The following CCDC73 variants were observed in gnomAD, a reference collection of about 807,000 sequenced individuals.
CCDC73 encodes coiled-coil domain containing 73, also known as coiled-coil domain-containing protein 73.
A neutral mutation model predicts 116.5 loss-of-function variants in CCDC73; 95 were observed. The ratio of observed to expected loss-of-function variants is 0.82; its 90% confidence interval spans 0.69 to 0.97. The LOEUF (loss-of-function observed/expected upper bound fraction) is 0.97, where lower values mean the gene tolerates loss of function less well. CCDC73 is among the 50% of genes least tolerant of loss of function. The pLI is 0.00. For synonymous variants in CCDC73, 398 were observed against 401.3 expected, an observed-to-expected ratio of 0.99 and a Z score of 0.10; for missense variants, 1,066 against 1,206.8, an observed-to-expected ratio of 0.88 and a Z score of 1.73.
At chr11:32,671,164 A>G (rs1250615208) in intron 9 of CCDC73, among the ~76,000 whole-genome samples, 2 of 152,134 alleles carry the variant, frequency 1.3e-5, no homozygotes, top group East Asian at 3.9e-4. Flanking sequence ...GCAGTCATAA[A>G]TATTGCGCTC....
At chr11:32,674,935 A>G (rs1856072296) in intron 9 of CCDC73, among the ~76,000 whole-genome samples, 1 of 152,180 alleles carries the variant, frequency 6.6e-6, no homozygotes, top group Admixed American at 6.6e-5. Context: ...TGCTCCAGCC[A>G]TATCAGACTT....
At chr11:32,735,820 C>A (rs12275960) in intron 2 of CCDC73, among the ~76,000 whole-genome samples, 1,579 of 152,158 alleles carry the variant, frequency 0.01, 26 homozygotes, top group African/African-American at 0.036. Context: ...AGATATAGAC[C>A]AATGGAACAG....
chr11:32,785,433 ACT>A (rs1277884541), intron 1 of CCDC73, among the ~76,000 whole-genome samples: 1 of 151,742 alleles, frequency 6.6e-6, no homozygotes, highest in Non-Finnish European at 1.5e-5. Flanking sequence ...ACAGGATCTC[ACT>A]CTGTCACCCA....
At chr11:32,659,572 A>G (rs1197566851) in intron 9 of CCDC73, among the ~76,000 whole-genome samples, 1 of 152,224 alleles carries the variant, frequency 6.6e-6, no homozygotes, top group Non-Finnish European at 1.5e-5. Context: ...TATGACATAA[A>G]TGTCATAAAC....
chr11:32,614,873 CT>C lies in CCDC73; in HGVS notation c.1444del (p.Ser482ValfsTer5), dbSNP rs1855460820. 6.2e-7 allele frequency: 1 copy of C among 1,611,962 alleles called. No homozygotes were observed. Among genetic ancestry groups the C allele is most frequent in the Non-Finnish European group, 8.5e-7 (1 of 1,179,270 alleles). On this transcript the variant is annotated frameshift_variant, in exon 16 of 18. Coordinates refer to ENST00000335185, the MANE Select transcript of CCDC73 (RefSeq NM_001008391.4). LOFTEE classifies it high-confidence loss of function. ...GAGGGTTTTGCTTAAGGAGATTTCA[CT>C]TTGATTTTCATCCTGAGAAACAACA... is the stretch of plus-strand genomic sequence containing the variant. ...DTVVSQDENQ[S>X]EISLSKTLSL...
chr11:32,789,728 G>A (rs1057375183), intron 1 of CCDC73, among the ~76,000 whole-genome samples: 14 of 152,110 alleles, frequency 9.2e-5, no homozygotes, highest in African/African-American at 2.9e-4. Flanking sequence ...AGCTATGATC[G>A]TGCCACTACA....
intron 3 of CCDC73, among the ~76,000 whole-genome samples, chr11:32,714,298 T>C (rs1207989270): frequency 1.3e-5 from 2 of 152,086 alleles, no homozygotes; most frequent in Admixed American, 6.6e-5. Context: ...GCTTTTACCA[T>C]ATAAACTTGT....
At chr11:32,696,627 G>A (rs997071398) in intron 6 of CCDC73, among the ~76,000 whole-genome samples, 2 of 151,772 alleles carry the variant, frequency 1.3e-5, no homozygotes, top group Non-Finnish European at 2.9e-5. Flanking sequence ...GTACAGACGC[G>A]GTTTTGCCAC....
chr11:32,706,158 C>A (rs556840363), intron 3 of CCDC73, among the ~76,000 whole-genome samples: 61 of 152,216 alleles, frequency 4.0e-4, no homozygotes, highest in African/African-American at 1.4e-3. Flanking sequence ...CAAAGTTCTT[C>A]CTGTGAAAAT....
intron 4 of CCDC73, 31 bp from the exon 5 acceptor site, chr11:32,700,857 G>A: frequency 7.8e-7 from 1 of 1,278,410 alleles, no homozygotes; most frequent in Non-Finnish European, 1.1e-6. Context: ...TTAAAATAAA[G>A]GGATCACTGT....
Position 32,653,214 on chromosome 11 carries a change from G to A in CCDC73, c.848C>T (p.Ser283Phe). 1.2e-6 allele frequency: 2 copies of A among 1,606,734 alleles called. No individual in the cohort carries two copies. The highest frequency in any genetic ancestry group is 8.5e-7 in the Non-Finnish European group (1 of 1,174,690). Residue 283 changes from serine to phenylalanine, a missense_variant, in exon 12 of 18, where the codon TCT (serine) becomes TTT (phenylalanine). By Grantham distance (155) the Ser-to-Phe change is radical (BLOSUM62 -2). Coordinates refer to ENST00000335185, the MANE Select transcript of CCDC73 (RefSeq NM_001008391.4). ...IQEEKQDIII[S>F]FQHMQQLLRQ... ...AAGTAACTGCTGCATATGTTGGAAA[G>A]AAATGATGATATCCTTTGAAAATAC...
chr11:32,693,546 T>C (rs12289390), intron 6 of CCDC73, among the ~76,000 whole-genome samples: 1,576 of 152,276 alleles, frequency 0.01, 26 homozygotes, highest in African/African-American at 0.036. Flanking sequence ...CTATAGGGAA[T>C]CATCCCTAAC....
chr11:32,615,364 G>A (rs1855464820), intron 15 of CCDC73, among the ~76,000 whole-genome samples: 1 of 152,062 alleles, frequency 6.6e-6, no homozygotes, highest in Admixed American at 6.6e-5. Context: ...AGGTCCAGCA[G>A]TATCTAGAAA....
intron 9 of CCDC73, among the ~76,000 whole-genome samples, chr11:32,673,800 A>C (rs540617832): frequency 2.6e-5 from 4 of 152,244 alleles, no homozygotes; most frequent in Non-Finnish European, 5.9e-5. Context: ...AGGATATAAA[A>C]GAACCACAAG....
chr11:32,661,585 C>T (rs765279811), intron 9 of CCDC73, among the ~76,000 whole-genome samples: 7 of 151,376 alleles, frequency 4.6e-5, no homozygotes, highest in South Asian at 4.2e-4. Flanking sequence ...TTGCTGAGAA[C>T]GATGGTTTCC....
chr11:32,662,062 AT>A, intron 9 of CCDC73, among the ~76,000 whole-genome samples: 1 of 152,174 alleles, frequency 6.6e-6, no homozygotes, highest in Middle Eastern at 3.4e-3. Context: ...TATGTGCCAC[AT>A]TTTCTCAATC....
At chr11:32,637,631 C>T (rs1005121982) in intron 13 of CCDC73, among the ~76,000 whole-genome samples, 1 of 150,730 alleles carries the variant, frequency 6.6e-6, no homozygotes, top group African/African-American at 2.4e-5. Flanking sequence ...TACACACACC[C>T]CTCTCCTCTC....
Position 32,635,681 on chromosome 11 carries a change from ATACT to A in CCDC73, c.1185+11_1185+14del, listed in dbSNP as rs761774204. 1 of 1,289,796 alleles carries A rather than the reference ATACT, an allele frequency of 7.8e-7. No individual in the cohort carries two copies. The highest frequency in any genetic ancestry group is 1.0e-6 in the Non-Finnish European group (1 of 1,001,632). 79.9% of individuals were successfully genotyped at this position (1,289,796 alleles called of 1,614,324 possible). A position where few individuals can be genotyped will look rare whatever the true frequency, so the allele number is the denominator to read the frequency against. On this transcript the variant is annotated intron_variant, in intron 14 of 17. Transcript: ENST00000335185. ...TCTTTGATAGTTTGTACCCCACAAC[ATACT>A]TAAATTTTACCTGAAACTTTTTGTC...
intron 3 of CCDC73, among the ~76,000 whole-genome samples, chr11:32,703,457 G>GAA (rs561438665): frequency 0.011 from 1,540 of 142,318 alleles, 26 homozygotes; most frequent in African/African-American, 0.037. Flanking sequence ...CTTTTTTCAT[G>GAA]AAAAAAAAAA....
Sources: allele counts gnomAD v4.1 joint callset (sites outside exome capture counted in the v4.1 genomes callset), GRCh38; gene constraint gnomAD v4.1.1; transcripts MANE v1.5; gene names NCBI Gene and HGNC (gene_info 2026-07-23, HGNC 2026-07-21).